ACOXL: variants seen among roughly 807,000 people sequenced by gnomAD.
ACOXL encodes the protein acyl-CoA oxidase like, also known as acyl-coenzyme A oxidase-like protein.
In ACOXL, 70 loss-of-function variants were observed where a neutral mutation model predicts 71.9. The observed-to-expected ratio is 0.97, with a 90% CI of 0.80 to 1.19. ACOXL has a LOEUF of 1.19. ACOXL is among the 50% of genes most tolerant of loss of function. ACOXL has a pLI of 0.00. For synonymous variants in ACOXL, 253 were observed against 281.6 expected, an observed-to-expected ratio of 0.90 and a Z score of 1.02; for missense variants, 703 against 736.3, an observed-to-expected ratio of 0.95 and a Z score of 0.52.
intron 15 of ACOXL, among the ~76,000 whole-genome samples, chr2:111,039,528 G>C (rs560700399): frequency 7.2e-4 from 109 of 152,294 alleles, no homozygotes; most frequent in Middle Eastern, 3.4e-3. Context: ...TTAAAAGTGA[G>C]GTTTTCACCA....
intron 11 of ACOXL, among the ~76,000 whole-genome samples, chr2:110,923,177 G>C (rs1007550624): frequency 6.6e-6 from 1 of 152,240 alleles, no homozygotes; most frequent in Admixed American, 6.5e-5. Context: ...CTGCGACAAC[G>C]TTCTGGTTTT....
chr2:110,999,831 C>T (rs925758097), intron 14 of ACOXL, among the ~76,000 whole-genome samples: 3 of 152,190 alleles, frequency 2.0e-5, no homozygotes, highest in African/African-American at 7.2e-5. Context: ...GCTTCAGAGA[C>T]TGCAAGCATG....
chr2:110,973,978 C>A (rs1040596307), intron 12 of ACOXL, among the ~76,000 whole-genome samples: 1 of 152,250 alleles, frequency 6.6e-6, no homozygotes, highest in African/African-American at 2.4e-5. Context: ...AGTCAGCACC[C>A]CCTCATAGGA....
At chr2:110,765,053 T>C (rs1186645258) in intron 1 of ACOXL, among the ~76,000 whole-genome samples, 6 of 152,234 alleles carry the variant, frequency 3.9e-5, no homozygotes, top group Non-Finnish European at 8.8e-5. Context: ...TCACTGAATA[T>C]AAGATTTGCC....
intron 1 of ACOXL, among the ~76,000 whole-genome samples, chr2:110,754,643 C>G (rs1325437105): frequency 6.6e-6 from 1 of 152,152 alleles, no homozygotes; most frequent in Non-Finnish European, 1.5e-5. Context: ...TGTGATCTAT[C>G]CAAGTTGTGT....
chr2:110,933,985 A>G (rs763030191), intron 12 of ACOXL, among the ~76,000 whole-genome samples: 73 of 152,320 alleles, frequency 4.8e-4, no homozygotes, highest in Non-Finnish European at 8.5e-4. Flanking sequence ...CCTTGGGAGA[A>G]CACAGGAAAT....
intron 10 of ACOXL, among the ~76,000 whole-genome samples, chr2:110,867,553 T>C (rs560300649): frequency 6.6e-6 from 1 of 152,272 alleles, no homozygotes; most frequent in South Asian, 2.1e-4. Context: ...TTTATTTTTC[T>C]TGCATGATGA....
At chr2:111,034,934 T>TG (rs1438590427) in intron 15 of ACOXL, among the ~76,000 whole-genome samples, 1 of 151,930 alleles carries the variant, frequency 6.6e-6, no homozygotes, top group Non-Finnish European at 1.5e-5. Context: ...TTTTTTTTTT[T>TG]TTTGACGGAG....
Position 110,793,583 on chromosome 2 carries a change from C to T in ACOXL, c.160-67C>T, listed in dbSNP as rs534923778. ...AGCTGCTCCCTGATTGGAGTTTGGC[C>T]GTGGATTTAATTGTCTTTAGATTGC... On this transcript the variant is annotated intron_variant, in intron 3 of 17. Transcript: ENST00000439055. 34 of 1,449,324 alleles carry T rather than the reference C, an allele frequency of 2.3e-5. No homozygotes were observed. The East Asian group carries it at 2.7e-4, about 12-fold the overall frequency. The allele number at this position is 1,449,324 out of a possible 1,614,324, so 89.8% of individuals were successfully genotyped here.
intron 12 of ACOXL, among the ~76,000 whole-genome samples, chr2:110,940,225 T>C (rs982655240): frequency 8.5e-5 from 13 of 152,192 alleles, no homozygotes; most frequent in African/African-American, 3.1e-4. Flanking sequence ...TGCTCATGTG[T>C]TGTAGCCTAC....
chr2:110,861,694 C>T (rs748672831), intron 10 of ACOXL, among the ~76,000 whole-genome samples: 23 of 152,164 alleles, frequency 1.5e-4, no homozygotes, highest in East Asian at 5.8e-4. Context: ...TTTTGGAGGT[C>T]GCTAATCCGG....
rs778486757 is a variant in ACOXL at position 111,049,235 on chromosome 2, T to A, written c.1387T>A (p.Ser463Thr). The change falls in exon 16 of 18, where the codon TCC (serine) becomes ACC (threonine). Residue 463 changes from serine to threonine, a missense_variant. Transcript: ENST00000439055. Reference sequence around the variant, plus strand: ...CCTTCCAGTTACCTTAGAGCAGTTCTCCCTAGCAGTGAAGAGCTGTCCTGA... The same window carrying A: ...CCTTCCAGTTACCTTAGAGCAGTTCACCCTAGCAGTGAAGAGCTGTCCTGA... ...HTHRVTLEQF[S>T]LAVKSCPDQE... The A allele has an allele frequency of 1.9e-6, 3 of 1,612,166 alleles. No individual in the cohort carries two copies. The highest frequency in any genetic ancestry group is 2.2e-5 in the East Asian group (1 of 44,882).
At chr2:110,985,157 G>T (rs913027032) in intron 12 of ACOXL, among the ~76,000 whole-genome samples, 2 of 75,798 alleles carry the variant, frequency 2.6e-5, no homozygotes, top group Non-Finnish European at 5.1e-5. Context: ...TAGTGAAATG[G>T]AACTGGATTG....
At chr2:111,117,234 C>T (rs561031843) in intron 17 of ACOXL, among the ~76,000 whole-genome samples, 2 of 152,020 alleles carry the variant, frequency 1.3e-5, no homozygotes, top group African/African-American at 4.8e-5. Flanking sequence ...GAGGAGGGGA[C>T]GACAGGGGAG....
chr2:110,812,517 A>G (rs1483155085), intron 9 of ACOXL, among the ~76,000 whole-genome samples: 2 of 152,172 alleles, frequency 1.3e-5, no homozygotes, highest in African/African-American at 2.4e-5. Flanking sequence ...CTTTGTGTTC[A>G]TAAGTTCTCA....
intron 12 of ACOXL, among the ~76,000 whole-genome samples, chr2:110,963,412 G>A (rs896427550): frequency 2.4e-4 from 36 of 152,138 alleles, no homozygotes; most frequent in East Asian, 7.7e-4. Context: ...AATAATATTC[G>A]TGAACTAAAA....
intron 1 of ACOXL, among the ~76,000 whole-genome samples, chr2:110,738,596 A>AT (rs1254764359): frequency 6.6e-6 from 1 of 152,138 alleles, no homozygotes; most frequent in Non-Finnish European, 1.5e-5. Context: ...GATCTGTTAT[A>AT]TATGACTTGT....
chr2:110,799,110 C>G lies in ACOXL; in HGVS notation c.547+10C>G, dbSNP rs1211597093. 1 of 1,613,148 alleles carries G rather than the reference C, an allele frequency of 6.2e-7. No individual in the cohort carries two copies. Among genetic ancestry groups the G allele is most frequent in the South Asian group, 1.1e-5 (1 of 91,032 alleles). ...ATGATGTACAAGGAGGGTGAGTCCC[C>G]AGGTGCCCTTTTCCTGTGCTCACTC... is the stretch of plus-strand genomic sequence containing the variant. On this transcript the variant is annotated intron_variant, in intron 7 of 17. Coordinates refer to ENST00000439055, the MANE Select transcript of ACOXL (RefSeq NM_001142807.4).
intron 10 of ACOXL, among the ~76,000 whole-genome samples, chr2:110,902,995 G>A (rs1242265382): frequency 6.6e-6 from 1 of 152,254 alleles, no homozygotes; most frequent in Non-Finnish European, 1.5e-5. Flanking sequence ...ACAGAGGTCA[G>A]CACCTTGACG....
Sources: gnomAD v4.1 joint callset for allele counts (sites outside exome capture counted in the v4.1 genomes callset) on GRCh38, gnomAD v4.1.1 for gene constraint, MANE v1.5 for transcripts, NCBI Gene and HGNC (gene_info 2026-07-23, HGNC 2026-07-21) for gene names.